The following ADCY8 variants were observed in gnomAD, a reference collection of about 807,000 sequenced individuals.
ADCY8 encodes adenylate cyclase 8.
In ADCY8, 51 loss-of-function variants were observed where a neutral mutation model predicts 119.7. That is an observed-to-expected ratio of 0.43 (90% CI 0.34 to 0.54). The LOEUF (loss-of-function observed/expected upper bound fraction) is 0.54. Ranked by LOEUF, ADCY8 falls within the 20% of genes least tolerant of loss-of-function variation. The pLI, the probability that ADCY8 is intolerant of heterozygous loss-of-function variation, is 0.03. For synonymous variants in ADCY8, 665 were observed against 651.0 expected (o/e 1.02, Z -0.33); for missense variants, 1,383 against 1,598.8 (o/e 0.87, Z 2.30).
chr8:130,892,626 G>C (rs1462918364), intron 7 of ADCY8: 1 of 152,278 alleles, frequency 6.6e-6, no homozygotes, highest in African/African-American at 2.4e-5. Context: ...CTGTCTTCCT[G>C]GTGTGCTTTG....
intron 6 of ADCY8, among the ~76,000 whole-genome samples, chr8:130,905,615 T>A (rs886629931): frequency 2.0e-5 from 3 of 152,186 alleles, no homozygotes; most frequent in African/African-American, 7.2e-5. Flanking sequence ...TGGCTCATGC[T>A]GAGGAAGCCG....
chr8:130,809,602 G>A (rs1290276195), intron 14 of ADCY8, among the ~76,000 whole-genome samples: 1 of 152,174 alleles, frequency 6.6e-6, no homozygotes, highest in African/African-American at 2.4e-5. Flanking sequence ...TCCTAGGAGG[G>A]TAAGAATTAG....
intron 17 of ADCY8, 61 bp from the exon 18 acceptor site, chr8:130,780,938 G>A (rs1418869237): frequency 1.3e-6 from 2 of 1,578,702 alleles, no homozygotes; most frequent in East Asian, 2.2e-5. Context: ...GGGGTGTTTG[G>A]ACCCCTCCCT....
At chr8:130,858,465 C>T (rs1041347216) in intron 9 of ADCY8, among the ~76,000 whole-genome samples, 4 of 152,050 alleles carry the variant, frequency 2.6e-5, no homozygotes, top group African/African-American at 4.8e-5. Flanking sequence ...GATTACATTA[C>T]GGGTTTGGGG....
At chr8:130,914,253 C>T (rs13340584) in intron 5 of ADCY8, among the ~76,000 whole-genome samples, 6,684 of 152,202 alleles carry the variant, frequency 0.044, 451 homozygotes, top group African/African-American at 0.15. Flanking sequence ...GCTTCACACA[C>T]AGAACTATTG....
intron 1 of ADCY8, among the ~76,000 whole-genome samples, chr8:131,009,695 A>G (rs1020597852): frequency 6.6e-6 from 1 of 152,264 alleles, no homozygotes; most frequent in Admixed American, 6.5e-5. Flanking sequence ...TGCTGTAAAG[A>G]TAATGCATTA....
intron 8 of ADCY8, among the ~76,000 whole-genome samples, chr8:130,884,119 A>G (rs1447270603): frequency 6.6e-6 from 1 of 152,180 alleles, no homozygotes; most frequent in Non-Finnish European, 1.5e-5. Context: ...AGGGGAGAAT[A>G]GATATCTAAA....
chr8:130,896,482 C>T (rs567541468), intron 7 of ADCY8, among the ~76,000 whole-genome samples: 1 of 152,228 alleles, frequency 6.6e-6, no homozygotes, highest in East Asian at 1.9e-4. Context: ...TGAATCCACC[C>T]TTTAGGGGCA....
chr8:130,883,300 G>A (rs545327743), intron 8 of ADCY8, among the ~76,000 whole-genome samples: 23 of 152,300 alleles, frequency 1.5e-4, no homozygotes, highest in Admixed American at 3.9e-4. Flanking sequence ...AACCGGGAAA[G>A]AAAATGTATT....
chr8:130,838,082 C>CA (rs1408634682), intron 11 of ADCY8, among the ~76,000 whole-genome samples: 2 of 152,084 alleles, frequency 1.3e-5, no homozygotes, highest in Non-Finnish European at 2.9e-5. Context: ...TAAGAATTTC[C>CA]AAAAATGTCT....
chr8:130,797,986 G>A (rs913021625), intron 15 of ADCY8, among the ~76,000 whole-genome samples: 1 of 152,196 alleles, frequency 6.6e-6, no homozygotes, highest in Non-Finnish European at 1.5e-5. Context: ...CCACTTAGTG[G>A]TATGTGACTC....
intron 5 of ADCY8, among the ~76,000 whole-genome samples, chr8:130,912,727 T>C (rs2130559207): frequency 6.6e-6 from 1 of 152,306 alleles, no homozygotes; most frequent in African/African-American, 2.4e-5. Context: ...GAAATGCTTG[T>C]AACTAATGGA....
chr8:130,876,288 T>G (rs1313458348), intron 8 of ADCY8, among the ~76,000 whole-genome samples: 1 of 152,088 alleles, frequency 6.6e-6, no homozygotes, highest in African/African-American at 2.4e-5. Context: ...TGACCTCAAG[T>G]GATCCACCCG....
At chr8:130,942,639 C>A (rs1820990133) in intron 4 of ADCY8, among the ~76,000 whole-genome samples, 1 of 152,148 alleles carries the variant, frequency 6.6e-6, no homozygotes, top group South Asian at 2.1e-4. Flanking sequence ...TTATTTAATT[C>A]TCATTACAGC....
chr8:130,912,593 T>C (rs1011999691), intron 5 of ADCY8, among the ~76,000 whole-genome samples: 1 of 152,216 alleles, frequency 6.6e-6, no homozygotes, highest in Non-Finnish European at 1.5e-5. Context: ...CTTTGCAGTC[T>C]CTGTTCTTAA....
intron 8 of ADCY8, among the ~76,000 whole-genome samples, chr8:130,882,394 C>A (rs538911536): frequency 1.3e-5 from 2 of 152,230 alleles, no homozygotes; most frequent in Admixed American, 6.5e-5. Context: ...GGCTCTAGAA[C>A]CCTTTCCTAC....
intron 4 of ADCY8, 72 bp downstream of exon 4, chr8:130,943,279 C>G: frequency 9.0e-7 from 1 of 1,112,698 alleles, no homozygotes. Context: ...AGGCTGAATC[C>G]TTCTCTTTCC....
chr8:130,864,478 G>A (rs1367746223), intron 9 of ADCY8, among the ~76,000 whole-genome samples: 1 of 151,978 alleles, frequency 6.6e-6, no homozygotes, highest in Non-Finnish European at 1.5e-5. Flanking sequence ...ATCTAATTAT[G>A]TGTATATTTC....
At chr8:130,867,257 T>G (rs1046703178) in intron 9 of ADCY8, among the ~76,000 whole-genome samples, 1 of 152,182 alleles carries the variant, frequency 6.6e-6, no homozygotes, top group Non-Finnish European at 1.5e-5. Context: ...CTAGAGCTAG[T>G]CTTCCTGGGT....
Sources: allele counts gnomAD v4.1 joint callset (sites outside exome capture counted in the v4.1 genomes callset), GRCh38; gene constraint gnomAD v4.1.1; transcripts MANE v1.5; gene names NCBI Gene and HGNC (gene_info 2026-07-23, HGNC 2026-07-21).